The following NOL4L variants were observed in gnomAD, a reference collection of about 807,000 sequenced individuals.
The protein encoded by NOL4L is nucleolar protein 4 like.
Under a neutral mutation model 64.5 loss-of-function variants are expected in NOL4L, and 7 were observed. The observed-to-expected ratio is 0.11, with a 90% CI of 0.06 to 0.20. The LOEUF is 0.20. Ranked by LOEUF, NOL4L falls within the 10% of genes least tolerant of loss-of-function variation. The pLI is 1.00. For missense variants in NOL4L, 680 were observed against 967.1 expected (o/e 0.70, Z 3.94); for synonymous variants, 413 against 401.0 (o/e 1.03, Z -0.36).
At chr20:32,517,745 G>A (rs998757591) in intron 3 of NOL4L, among the ~76,000 whole-genome samples, 1 of 152,226 alleles carries the variant, frequency 6.6e-6, no homozygotes, top group East Asian at 1.9e-4. Context: ...CGTAGGCCAC[G>A]ACACGGGCTG....
chr20:32,556,451 C>A (rs1413030763), intron 1 of NOL4L, among the ~76,000 whole-genome samples: 4 of 152,190 alleles, frequency 2.6e-5, no homozygotes, highest in African/African-American at 7.2e-5. Context: ...TCTTCCTGAT[C>A]CCCCATTCCA....
Position 32,456,004 on chromosome 20 carries a change from C to T in NOL4L, c.1119+114G>A, listed in dbSNP as rs1039795201. 7 of 1,150,092 alleles carry T rather than the reference C, an allele frequency of 6.1e-6. No homozygotes were observed. The Admixed American group carries it at 1.2e-4, about 20-fold the overall frequency. The allele number at this position is 1,150,092 out of a possible 1,614,324, so 71.2% of individuals were successfully genotyped here. The stretch of plus-strand genomic sequence containing the variant: ...ACCAGCCACAGCCACCACCCTGGCT[C>T]GGTGTCACACACATGGGCTGGCTCC... On this transcript the variant is annotated intron_variant, in intron 6 of 10. Coordinates refer to ENST00000621426, the MANE Select transcript of NOL4L (RefSeq NM_001256798.2).
intron 1 of NOL4L, among the ~76,000 whole-genome samples, chr20:32,583,448 A>G (rs955488285): frequency 9.6e-6 from 1 of 103,642 alleles, no homozygotes; most frequent in Non-Finnish European, 2.0e-5. Flanking sequence ...CCGGGGGAGG[A>G]GCGCGGAGGG....
chr20:32,541,671 T>C (rs2018658243), intron 1 of NOL4L, among the ~76,000 whole-genome samples: 1 of 152,234 alleles, frequency 6.6e-6, no homozygotes, highest in South Asian at 2.1e-4. Flanking sequence ...CTGGCCTTTG[T>C]TCCTGGGCCG....
chr20:32,491,468 CTGT>C (rs1197635328), intron 4 of NOL4L, among the ~76,000 whole-genome samples: 1 of 152,236 alleles, frequency 6.6e-6, no homozygotes, highest in East Asian at 1.9e-4. Flanking sequence ...GTGGTACTTT[CTGT>C]TTCCTGCATT....
chr20:32,470,367 A>G (rs867279012), intron 5 of NOL4L, among the ~76,000 whole-genome samples: 1 of 152,244 alleles, frequency 6.6e-6, no homozygotes, highest in South Asian at 2.1e-4. Context: ...GCCTCCGTGC[A>G]TGCCTTCGTT....
rs1436652580 is a variant in NOL4L at position 32,584,891 on chromosome 20, C to T, written c.-1G>A. On this transcript the variant is annotated 5_prime_UTR_variant, in exon 1 of 11. Coordinates refer to ENST00000621426, the MANE Select transcript of NOL4L (RefSeq NM_001256798.2). ...GCAGCAGCAGCGTCGGCTTCGGCATCCTCCCGCCGCGCCCGGCGCCCTCGG... is the reference window on the plus strand; with the variant it reads ...GCAGCAGCAGCGTCGGCTTCGGCATTCTCCCGCCGCGCCCGGCGCCCTCGG... 1.6e-6 allele frequency: 2 copies of T among 1,245,690 alleles called. No individual in the cohort carries two copies. The highest frequency in any genetic ancestry group is 8.2e-5 in the Admixed American group (2 of 24,422). 77.2% of individuals were successfully genotyped at this position (1,245,690 alleles called of 1,614,324 possible). A position where few individuals can be genotyped will look rare whatever the true frequency, so the allele number is the denominator to read the frequency against.
intron 1 of NOL4L, chr20:32,536,222 G>C: frequency 1.0e-6 from 1 of 985,486 alleles, no homozygotes; most frequent in Non-Finnish European, 1.2e-6. Context: ...CCTAGGACAG[G>C]GAATCGGGAG....
intron 4 of NOL4L, among the ~76,000 whole-genome samples, chr20:32,500,379 A>C (rs962363189): frequency 8.4e-6 from 1 of 118,706 alleles, no homozygotes; most frequent in African/African-American, 3.3e-5. Context: ...TTTGAGACGG[A>C]GTCTTGCTTT....
intron 1 of NOL4L, chr20:32,572,518 T>G (rs1030534385): frequency 5.9e-5 from 9 of 152,176 alleles, no homozygotes; most frequent in Admixed American, 5.2e-4. Context: ...AGTTGGTGAG[T>G]CAGGATTCGA....
At chr20:32,536,338 C>G (rs1324870663) in intron 1 of NOL4L, 1 of 984,862 alleles carries the variant, frequency 1.0e-6, no homozygotes, top group Non-Finnish European at 1.2e-6. Flanking sequence ...CGCTAACGAG[C>G]GGAGAGCCCC....
intron 2 of NOL4L, among the ~76,000 whole-genome samples, chr20:32,521,913 G>C (rs962479103): frequency 1.3e-5 from 2 of 152,254 alleles, no homozygotes; most frequent in Admixed American, 6.5e-5. Context: ...CAAGCGTTCC[G>C]CTGTCCTCGC....
chr20:32,447,034 T>G lies in NOL4L; in HGVS notation c.*562A>C, dbSNP rs1013937311. On this transcript the variant is annotated 3_prime_UTR_variant, in exon 11 of 11. Transcript: ENST00000621426. ...GGAACAGCCAGCCTGGCACCTGTCC[T>G]GCCCCTACTGGCCCCAGCCCACATC... 1 of 344,564 alleles carries G rather than the reference T, an allele frequency of 2.9e-6. No homozygotes were observed. Among genetic ancestry groups the G allele is most frequent in the Non-Finnish European group, 5.6e-6 (1 of 177,328 alleles). The allele number at this position is 344,564 out of a possible 1,614,324, so 21.3% of individuals were successfully genotyped here.
At chr20:32,547,082 T>C (rs1448131927) in intron 1 of NOL4L, among the ~76,000 whole-genome samples, 1 of 152,154 alleles carries the variant, frequency 6.6e-6, no homozygotes, top group Non-Finnish European at 1.5e-5. Context: ...ACAACAAACA[T>C]TTACCATGTG....
Position 32,494,558 on chromosome 20 carries a change from C to T in NOL4L, c.699+16789G>A, listed in dbSNP as rs79460187. On this transcript the variant is annotated intron_variant, in intron 4 of 10. Transcript: ENST00000621426. Reference sequence around the variant, plus strand: ...TTGTCAAAGTTTAGTTGATGGTGCCCAGGCTGTGGCAGAGACTGTGAACCA... The same window carrying T: ...TTGTCAAAGTTTAGTTGATGGTGCCTAGGCTGTGGCAGAGACTGTGAACCA... 9.8e-3 allele frequency among the ~76,000 whole-genome samples: 1,499 copies of T among 152,312 alleles called. 71 individuals are homozygous for T. The highest frequency in any genetic ancestry group is 0.076 in the Admixed American group (1,157 of 15,298).
At chr20:32,500,893 C>T (rs143647624) in intron 4 of NOL4L, among the ~76,000 whole-genome samples, 64 of 152,296 alleles carry the variant, frequency 4.2e-4, no homozygotes, top group African/African-American at 1.4e-3. Flanking sequence ...ATAAAATAAA[C>T]AGCTATGAGT....
At chr20:32,536,802 G>T (rs1220065424) in intron 1 of NOL4L, among the ~76,000 whole-genome samples, 4 of 65,904 alleles carry the variant, frequency 6.1e-5, no homozygotes, top group South Asian at 7.0e-4. Flanking sequence ...CTGGGAGTGG[G>T]GGGGGGGGGG....
chr20:32,488,839 CTT>C (rs1171494065), intron 4 of NOL4L, among the ~76,000 whole-genome samples: 16 of 58,884 alleles, frequency 2.7e-4, no homozygotes, highest in African/African-American at 3.8e-4. Flanking sequence ...TTCTTTCTTT[CTT>C]TCTTTCTTTC....
At chr20:32,468,141 G>C (rs1447508605) in intron 5 of NOL4L, among the ~76,000 whole-genome samples, 4 of 152,164 alleles carry the variant, frequency 2.6e-5, no homozygotes, top group Non-Finnish European at 5.9e-5. Flanking sequence ...GGATCGGCTA[G>C]CTCAAGACCA....
Sources: gnomAD v4.1 joint callset for allele counts (sites outside exome capture counted in the v4.1 genomes callset) on GRCh38, gnomAD v4.1.1 for gene constraint, MANE v1.5 for transcripts, NCBI Gene and HGNC (gene_info 2026-07-23, HGNC 2026-07-21) for gene names.